The following RAB37 variants were observed in gnomAD, a reference collection of about 807,000 sequenced individuals.
The protein encoded by RAB37 is ras-related protein Rab-37.
RAB37 carries 29 observed loss-of-function variants against 33.1 expected under a neutral mutation model. The observed-to-expected ratio is 0.88, with a 90% CI of 0.65 to 1.20. RAB37 has a LOEUF of 1.20. Ranked by LOEUF, RAB37 falls within the 50% of genes most tolerant of loss-of-function variation. The pLI is 0.00. For synonymous variants in RAB37, 128 were observed against 119.5 expected (o/e 1.07, Z -0.47); for missense variants, 299 against 301.1 (o/e 0.99, Z 0.05).
chr17:74,742,487 C>A lies in RAB37; in HGVS notation c.246+192C>A, dbSNP rs1453424801. ...TCCCAGGCACCCTCTCATCTATGAA[C>A]AGCAGCTCCAAATGCCTTCAGACAA... On this transcript the variant is annotated intron_variant, in intron 3 of 8. Coordinates refer to ENST00000392613, the MANE Select transcript of RAB37 (RefSeq NM_001006638.3). This position sits in a 1 kb window ranked among gnomAD's most constrained non-coding sequence, Gnocchi z 4.0. Among the ~76,000 whole-genome samples, 1 of 152,196 alleles carries A rather than the reference C, an allele frequency of 6.6e-6. No homozygotes were observed. Among genetic ancestry groups the A allele is most frequent in the Non-Finnish European group, 1.5e-5 (1 of 68,026 alleles).
intron 1 of RAB37, among the ~76,000 whole-genome samples, chr17:74,717,650 T>A (rs2034182858): frequency 6.6e-6 from 1 of 151,310 alleles, no homozygotes. Flanking sequence ...CCGTCTCTAC[T>A]GAAAATACGA....
intron 1 of RAB37, chr17:74,698,334 C>A: frequency 6.8e-7 from 1 of 1,463,280 alleles, no homozygotes; most frequent in Non-Finnish European, 9.6e-7. Flanking sequence ...GCCACCCGGC[C>A]CAGTCTCAGC....
In RAB37 at chr17:74,743,225, C is replaced by A. The variant is rs781717345; in HGVS notation, c.313+30C>A. On this transcript the variant is annotated intron_variant, in intron 4 of 8. Transcript: ENST00000392613. ...GTCCCTCGCACCCTCCAACCCCTAC[C>A]CCAGCCCCTTGGTAGCATCCGTGCT... 6 of 1,613,802 alleles carry A rather than the reference C, an allele frequency of 3.7e-6. No individual in the cohort carries two copies. The South Asian group carries it at 6.6e-5, about 18-fold the overall frequency.
intron 1 of RAB37, among the ~76,000 whole-genome samples, chr17:74,726,032 C>G (rs1373964884): frequency 6.6e-6 from 1 of 151,890 alleles, no homozygotes; most frequent in Non-Finnish European, 1.5e-5. Flanking sequence ...GTCAGGAGAT[C>G]GAGACCATCC....
intron 1 of RAB37, among the ~76,000 whole-genome samples, chr17:74,725,617 A>G (rs2034296237): frequency 6.6e-6 from 1 of 151,660 alleles, no homozygotes; most frequent in Non-Finnish European, 1.5e-5. Context: ...TCTTAGAGTC[A>G]TTATCAGTAG....
chr17:74,691,691 G>A (rs1445535248), intron 1 of RAB37, among the ~76,000 whole-genome samples: 2 of 152,036 alleles, frequency 1.3e-5, no homozygotes, highest in African/African-American at 2.4e-5. Flanking sequence ...TCTTCACTGG[G>A]ATCTATGATT....
At chr17:74,735,406 T>G (rs1338264547), upstream of RAB37, among the ~76,000 whole-genome samples, 1 of 152,126 alleles carries the variant, frequency 6.6e-6, no homozygotes, top group East Asian at 1.9e-4. Context: ...CGTGGTGGCG[T>G]GCACCTGTAG....
chr17:74,743,025 C>T, intron 3 of RAB37, 104 bp from the exon 4 acceptor site: 1 of 1,002,482 alleles, frequency 1.0e-6, no homozygotes, highest in Non-Finnish European at 1.5e-6. Context: ...AAAACAGCCC[C>T]ACCTTCCCAC....
At chr17:74,682,870 C>T (rs1267964528) in intron 1 of RAB37, among the ~76,000 whole-genome samples, 1 of 152,170 alleles carries the variant, frequency 6.6e-6, no homozygotes, top group Non-Finnish European at 1.5e-5. Context: ...CACCATTGCA[C>T]TCCAGCCTGG....
intron 1 of RAB37, among the ~76,000 whole-genome samples, chr17:74,716,822 C>A (rs1031617734): frequency 1.3e-5 from 2 of 152,212 alleles, no homozygotes; most frequent in Admixed American, 1.3e-4. Flanking sequence ...AGGGCGTCCA[C>A]TCCAAGGTTG....
intron 1 of RAB37, among the ~76,000 whole-genome samples, chr17:74,674,329 G>A (rs968627740): frequency 5.4e-5 from 8 of 147,142 alleles, no homozygotes; most frequent in South Asian, 2.3e-4. Flanking sequence ...AGATCCACCC[G>A]CTCGGCCTCC....
At chr17:74,719,637 CCTCCCCAATAG>C (rs2034212384) in intron 1 of RAB37, among the ~76,000 whole-genome samples, 1 of 151,928 alleles carries the variant, frequency 6.6e-6, no homozygotes, top group Non-Finnish European at 1.5e-5. Context: ...CCTGCCTCAG[CCTCCCCAATAG>C]CTGGGAATAC....
chr17:74,679,991 A>G (rs896968661), intron 1 of RAB37, among the ~76,000 whole-genome samples: 92 of 143,564 alleles, frequency 6.4e-4, no homozygotes, highest in African/African-American at 2.0e-3. Flanking sequence ...AAAAAAAAAA[A>G]AAAGAAAGAA....
At chr17:74,727,308 C>T (rs2034317953) in intron 1 of RAB37, among the ~76,000 whole-genome samples, 1 of 152,214 alleles carries the variant, frequency 6.6e-6, no homozygotes, top group South Asian at 2.1e-4. Context: ...ATCAAATGTG[C>T]AAGGGTTTTA....
chr17:74,701,150 G>A (rs776246762), intron 1 of RAB37, among the ~76,000 whole-genome samples: 1 of 152,160 alleles, frequency 6.6e-6, no homozygotes. Flanking sequence ...TTTGTTAGGG[G>A]CAACCCAAGC....
At chr17:74,707,092 A>C (rs1192570195) in intron 1 of RAB37, among the ~76,000 whole-genome samples, 3 of 152,212 alleles carry the variant, frequency 2.0e-5, no homozygotes, top group African/African-American at 7.2e-5. Flanking sequence ...TGTCTTGGAG[A>C]GGACGCCAAA....
At chr17:74,727,286 T>C (rs1358725376) in intron 1 of RAB37, among the ~76,000 whole-genome samples, 1 of 152,236 alleles carries the variant, frequency 6.6e-6, no homozygotes, top group Non-Finnish European at 1.5e-5. Flanking sequence ...GAAGAGGAGA[T>C]GTGAAGAGGG....
At chr17:74,722,282 C>CAA (rs375629072) in intron 1 of RAB37, among the ~76,000 whole-genome samples, 12 of 65,560 alleles carry the variant, frequency 1.8e-4, no homozygotes, top group East Asian at 4.7e-4. Context: ...GACTCTGTCT[C>CAA]AAAAAAAAAA....
intron 1 of RAB37, among the ~76,000 whole-genome samples, chr17:74,709,477 G>A (rs560256310): frequency 6.6e-6 from 1 of 152,248 alleles, no homozygotes; most frequent in East Asian, 1.9e-4. Context: ...TGTTAACATG[G>A]ATGTTGAAGT....
Sources: allele counts gnomAD v4.1 joint callset (sites outside exome capture counted in the v4.1 genomes callset), GRCh38; gene constraint gnomAD v4.1.1; non-coding constraint Gnocchi (gnomAD v3.1); transcripts MANE v1.5; gene names NCBI Gene and HGNC (gene_info 2026-07-23, HGNC 2026-07-21).